The following EXOC4 variants were observed in gnomAD, a reference collection of about 807,000 sequenced individuals.
The protein encoded by EXOC4 is SEC8-like 1.
In EXOC4, 71 loss-of-function variants were observed where a neutral mutation model predicts 107.2. The ratio of observed to expected loss-of-function variants is 0.66; its 90% CI spans 0.55 to 0.81. The LOEUF (loss-of-function observed/expected upper bound fraction) is 0.81, where lower values mean the gene tolerates loss of function less well. Among genes scored for constraint, EXOC4 ranks in the 30% least tolerant of loss-of-function variants. The pLI, the probability that EXOC4 is intolerant of heterozygous loss-of-function variation, is 0.00. For missense variants in EXOC4, 1,108 were observed against 1,189.6 expected, an observed-to-expected ratio of 0.93 and a Z score of 1.01; for synonymous variants, 456 against 441.2, an observed-to-expected ratio of 1.03 and a Z score of -0.42.
At chr7:133,659,762 G>A (rs954734107) in intron 10 of EXOC4, among the ~76,000 whole-genome samples, 5 of 152,164 alleles carry the variant, frequency 3.3e-5, no homozygotes, top group Admixed American at 6.6e-5. Context: ...CCCATTTGGT[G>A]CTACACTAAG....
chr7:134,063,203 C>G (rs1796107801), intron 17 of EXOC4, among the ~76,000 whole-genome samples: 1 of 152,178 alleles, frequency 6.6e-6, no homozygotes, highest in African/African-American at 2.4e-5. Flanking sequence ...GATTATTCTT[C>G]CATGCCTTTG....
rs755033243 is a variant in EXOC4 at position 133,454,991 on chromosome 7, C to T, written c.1183-20337C>T. On this transcript the variant is annotated intron_variant, in intron 7 of 17. Coordinates refer to ENST00000253861, the MANE Select transcript of EXOC4 (RefSeq NM_021807.4). ...GTCACAGCTACTTGGGAGGCTGAGG[C>T]GGGAGGATTGCTTGAGCTGGGGAGG... Among the ~76,000 whole-genome samples, 31 of 152,062 alleles carry T rather than the reference C, an allele frequency of 2.0e-4. No homozygotes were observed. The Middle Eastern group carries it at 0.014, about 67-fold the overall frequency.
At chr7:133,402,140 G>A (rs529196603) in intron 7 of EXOC4, among the ~76,000 whole-genome samples, 3 of 152,130 alleles carry the variant, frequency 2.0e-5, no homozygotes, top group African/African-American at 7.2e-5. Context: ...ATTTTCTTGC[G>A]GAAAGTATTT....
intron 9 of EXOC4, among the ~76,000 whole-genome samples, chr7:133,599,848 A>T (rs1052598592): frequency 2.0e-5 from 3 of 150,226 alleles, no homozygotes; most frequent in Non-Finnish European, 3.0e-5. Context: ...ATCACACTAC[A>T]TGTTAACTAT....
At chr7:133,669,814 A>G (rs1383385835) in intron 10 of EXOC4, among the ~76,000 whole-genome samples, 1 of 152,166 alleles carries the variant, frequency 6.6e-6, no homozygotes, top group East Asian at 1.9e-4. Flanking sequence ...AGGAGACAAC[A>G]TTCCTGTTTC....
chr7:133,531,315 C>T (rs936122703), intron 9 of EXOC4, among the ~76,000 whole-genome samples: 4 of 152,068 alleles, frequency 2.6e-5, no homozygotes, highest in African/African-American at 9.7e-5. Context: ...TGGTATTGTA[C>T]AGAACCCAAC....
intron 11 of EXOC4, among the ~76,000 whole-genome samples, chr7:133,876,220 AGG>A (rs1491177813): frequency 8.2e-6 from 1 of 121,348 alleles, no homozygotes; most frequent in African/African-American, 4.0e-5. Context: ...AAGAATGAAG[AGG>A]TGTGTGTGTG....
At chr7:133,383,359 G>A (rs997366468) in intron 7 of EXOC4, among the ~76,000 whole-genome samples, 1 of 152,160 alleles carries the variant, frequency 6.6e-6, no homozygotes, top group Non-Finnish European at 1.5e-5. Context: ...GCTAAGCAGT[G>A]TCTACAGATG....
At chr7:133,477,444 A>G (rs1017682130) in intron 8 of EXOC4, among the ~76,000 whole-genome samples, 8 of 152,190 alleles carry the variant, frequency 5.3e-5, no homozygotes, top group Admixed American at 2.6e-4. Context: ...TCACTTAGCA[A>G]TATGCATTTA....
At chr7:133,343,726 C>T (rs1312475450) in intron 5 of EXOC4, among the ~76,000 whole-genome samples, 1 of 151,326 alleles carries the variant, frequency 6.6e-6, no homozygotes, top group East Asian at 2.0e-4. Context: ...ATTTCTTTAT[C>T]TGTATTTTAT....
At chr7:133,334,437 A>G (rs969921537) in intron 5 of EXOC4, among the ~76,000 whole-genome samples, 2 of 152,138 alleles carry the variant, frequency 1.3e-5, no homozygotes, top group African/African-American at 2.4e-5. Context: ...TCTACAATAT[A>G]TCCTGGAAAT....
intron 11 of EXOC4, among the ~76,000 whole-genome samples, chr7:133,820,658 C>T (rs1464209338): frequency 2.0e-5 from 3 of 152,180 alleles, no homozygotes; most frequent in Non-Finnish European, 4.4e-5. Flanking sequence ...AAATTCTTCC[C>T]TTTGCTAAAC....
intron 9 of EXOC4, among the ~76,000 whole-genome samples, chr7:133,513,190 A>G (rs1450115158): frequency 1.3e-5 from 2 of 152,100 alleles, no homozygotes; most frequent in East Asian, 3.8e-4. Context: ...AAATTTTTAT[A>G]TATTTACTTA....
intron 9 of EXOC4, among the ~76,000 whole-genome samples, chr7:133,584,658 A>G (rs532503003): frequency 7.2e-4 from 103 of 143,496 alleles, no homozygotes; most frequent in Non-Finnish European, 1.1e-3. Context: ...AGCTTACCGA[A>G]GCCTCTGCCT....
chr7:134,007,426 A>G (rs953353761), intron 16 of EXOC4, among the ~76,000 whole-genome samples: 6 of 152,176 alleles, frequency 3.9e-5, no homozygotes, highest in Admixed American at 2.0e-4. Context: ...GTACATGGCA[A>G]TGCTGGAGAT....
the EXOC4 span, among the ~76,000 whole-genome samples, chr7:134,093,807 A>G: frequency 3.9e-5 from 6 of 152,198 alleles, no homozygotes; most frequent in Non-Finnish European, 5.9e-5. Context: ...AAATTAAACA[A>G]CTTGCTCCTG....
At chr7:133,841,343 A>G (rs533858716) in intron 11 of EXOC4, among the ~76,000 whole-genome samples, 21 of 152,200 alleles carry the variant, frequency 1.4e-4, no homozygotes, top group Non-Finnish European at 1.2e-4. Flanking sequence ...TACACTGAAG[A>G]TGTGAAGGGT....
intron 9 of EXOC4, among the ~76,000 whole-genome samples, chr7:133,579,315 C>T (rs1801199238): frequency 6.6e-6 from 1 of 152,122 alleles, no homozygotes; most frequent in Non-Finnish European, 1.5e-5. Context: ...AAATAATTTG[C>T]TTACTCTTAT....
intron 10 of EXOC4, among the ~76,000 whole-genome samples, chr7:133,658,463 C>T (rs907669584): frequency 1.3e-5 from 2 of 152,128 alleles, no homozygotes; most frequent in Non-Finnish European, 2.9e-5. Flanking sequence ...GCCGAATATC[C>T]TCTGTATGGC....
Sources: allele counts gnomAD v4.1 joint callset (sites outside exome capture counted in the v4.1 genomes callset), GRCh38; gene constraint gnomAD v4.1.1; transcripts MANE v1.5; gene names NCBI Gene and HGNC (gene_info 2026-07-23, HGNC 2026-07-21).